ESR1: variants seen among roughly 807,000 people sequenced by gnomAD.
ESR1 encodes the protein estrogen receptor.
In ESR1, 12 loss-of-function variants were observed where a neutral mutation model predicts 52.7. The ratio of observed to expected loss-of-function variants is 0.23; its 90% CI spans 0.15 to 0.37. ESR1 has a LOEUF of 0.37. Ranked by LOEUF, ESR1 falls within the 10% of genes least tolerant of loss-of-function variation. ESR1 has a pLI of 1.00. For missense variants in ESR1, 584 were observed against 779.7 expected (o/e 0.75, Z 2.99); for synonymous variants, 305 against 316.8 (o/e 0.96, Z 0.39).
chr6:151,931,057 T>G (rs1340841603), intron 3 of ESR1, among the ~76,000 whole-genome samples: 1 of 152,204 alleles, frequency 6.6e-6, no homozygotes, highest in East Asian at 1.9e-4. Flanking sequence ...TTCTTGATAC[T>G]CCCTGAGCTT....
At chr6:151,688,261 A>G (rs1434229631), upstream of ESR1, among the ~76,000 whole-genome samples, 2 of 152,206 alleles carry the variant, frequency 1.3e-5, no homozygotes, top group African/African-American at 4.8e-5. Context: ...AAACCTGTCA[A>G]CAGTTTCCTC....
chr6:151,760,633 C>T (rs562798774), intron 2 of ESR1, among the ~76,000 whole-genome samples: 2 of 152,312 alleles, frequency 1.3e-5, no homozygotes, highest in Non-Finnish European at 2.9e-5. Flanking sequence ...CCAGCCTGCT[C>T]CCTTAATGCT....
At chr6:151,979,584 G>A (rs1469488766) in intron 4 of ESR1, among the ~76,000 whole-genome samples, 1 of 152,038 alleles carries the variant, frequency 6.6e-6, no homozygotes, top group Non-Finnish European at 1.5e-5. Flanking sequence ...TTACTTTTGA[G>A]AATGTACAGT....
intron 1 of ESR1, chr6:151,813,279 T>C (rs1347510403): frequency 6.6e-6 from 1 of 152,198 alleles, no homozygotes; most frequent in Non-Finnish European, 1.5e-5. Flanking sequence ...CAATTTTATG[T>C]AGTTTAATAA....
At chr6:151,669,014 G>A (rs1384411869) in intron 1 of ESR1, among the ~76,000 whole-genome samples, 1 of 151,950 alleles carries the variant, frequency 6.6e-6, no homozygotes, top group East Asian at 1.9e-4. Context: ...AAGGCAGGTT[G>A]TGACCAGGCT....
At chr6:151,717,072 A>T (rs951538962) in intron 2 of ESR1, among the ~76,000 whole-genome samples, 1 of 152,162 alleles carries the variant, frequency 6.6e-6, no homozygotes, top group East Asian at 1.9e-4. Context: ...ACCGTTCCTT[A>T]GGGCACAGTC....
intron 2 of ESR1, among the ~76,000 whole-genome samples, chr6:151,720,279 A>G (rs868246301): frequency 2.6e-5 from 4 of 152,320 alleles, no homozygotes; most frequent in Middle Eastern, 3.4e-3. Context: ...TCCTAAGGTG[A>G]GAAAATTGAG....
chr6:151,713,618 A>AT (rs1225938620), intron 2 of ESR1, among the ~76,000 whole-genome samples: 3 of 151,870 alleles, frequency 2.0e-5, no homozygotes, highest in African/African-American at 4.8e-5. Flanking sequence ...TTTCTAGTTT[A>AT]TTTGCGCAGA....
chr6:151,817,862 T>A (rs150658438), intron 1 of ESR1, among the ~76,000 whole-genome samples: 291 of 152,338 alleles, frequency 1.9e-3, no homozygotes, highest in African/African-American at 6.8e-3. Flanking sequence ...CAATTCAGGC[T>A]GTTAGTGGTA....
rs2047522381 is a variant in ESR1, at chr6:152,061,295, C to A, written c.1369+171C>A. Among the ~76,000 whole-genome samples, 1 of 152,104 alleles carries A rather than the reference C, an allele frequency of 6.6e-6. No individual in the cohort carries two copies. The highest frequency in any genetic ancestry group is 2.1e-4 in the South Asian group (1 of 4,820). On this transcript the variant is annotated intron_variant, in intron 6 of 7. Transcript: ENST00000206249. The surrounding 1 kb of genome is among the most constrained non-coding windows in gnomAD (Gnocchi z 4.3). ...TGCAGATTCCTTATAAAGGTAGAAC[C>A]ATGCTAGCCAAATAGACACATGAAA...
rs2050422082 is a variant in ESR1 at position 152,094,102 on chromosome 6, G to T, written c.1370-283G>T. 6.6e-6 allele frequency among the ~76,000 whole-genome samples: 1 copy of T among 152,202 alleles called. No homozygotes were observed. Among genetic ancestry groups the T allele is most frequent in the African/African-American group, 2.4e-5 (1 of 41,444 alleles). ...ATGGTGTCAGACCTGTCTGAGAAAA[G>T]GTGGCCCATGTTACCATGACAGGCC... On this transcript the variant is annotated intron_variant, in intron 6 of 7. Transcript: ENST00000206249. The surrounding 1 kb of genome is among the most constrained non-coding windows in gnomAD (Gnocchi z 4.6).
In ESR1 at chr6:151,904,174, C is replaced by A. The variant is rs75107192; in HGVS notation, c.760+23403C>A. On this transcript the variant is annotated intron_variant, in intron 3 of 7. Transcript: ENST00000206249. ...CTTTTGTTTGTGCATAGTGCATAGA[C>A]CTGTAGAAAATTTATTAGTAATCTG... 5.0e-3 allele frequency among the ~76,000 whole-genome samples: 755 copies of A among 152,218 alleles called. 7 individuals carry two copies. Among genetic ancestry groups the A allele is most frequent in the African/African-American group, 0.018 (728 of 41,538 alleles).
intron 2 of ESR1, among the ~76,000 whole-genome samples, chr6:151,857,441 G>GTA (rs542348547): frequency 1.0e-3 from 157 of 151,230 alleles, no homozygotes; most frequent in African/African-American, 3.7e-3. Flanking sequence ...AGGGGCCACT[G>GTA]TATATATATA....
downstream of ESR1, among the ~76,000 whole-genome samples, chr6:152,104,754 C>T (rs141308284): frequency 2.0e-4 from 30 of 152,210 alleles, no homozygotes; most frequent in Admixed American, 1.4e-3. Flanking sequence ...TTGGAATTTC[C>T]TGGGCAATAG....
rs374719529 is a variant in ESR1 at position 152,061,734 on chromosome 6, TTTTTTGTTTTTG to T, written c.1369+627_1369+638del. ...AAAGCTTAGCTAAGAGCAACATCTG[TTTTTTGTTTTTG>T]TTTTTGTTTTTGTTTTGTTTTTGTT... is the stretch of plus-strand genomic sequence containing the variant. On this transcript the variant is annotated intron_variant, in intron 6 of 7. Coordinates refer to ENST00000206249, the MANE Select transcript of ESR1 (RefSeq NM_000125.4). The surrounding 1 kb of genome is among the most constrained non-coding windows in gnomAD (Gnocchi z 4.3). Among the ~76,000 whole-genome samples, 11 of 152,238 alleles carry T rather than the reference TTTTTTGTTTTTG, an allele frequency of 7.2e-5. No individual in the cohort carries two copies. The East Asian group carries it at 1.5e-3, about 21-fold the overall frequency.
At chr6:151,944,565 A>T in intron 4 of ESR1, 57 bp downstream of exon 4, 21 of 1,480,848 alleles carry the variant, frequency 1.4e-5, no homozygotes, top group Non-Finnish European at 1.9e-5. Flanking sequence ...ACTTGTTGTG[A>T]TGTCATGGGA....
At chr6:151,729,352 A>G (rs967448211) in intron 2 of ESR1, among the ~76,000 whole-genome samples, 3 of 152,178 alleles carry the variant, frequency 2.0e-5, no homozygotes, top group African/African-American at 7.2e-5. Flanking sequence ...TGTTGTTTAT[A>G]AGCCACCTAG....
At chr6:151,881,882 C>CAATA (rs66997460) in intron 3 of ESR1, among the ~76,000 whole-genome samples, 3,027 of 134,814 alleles carry the variant, frequency 0.022, 56 homozygotes, top group East Asian at 0.047. Context: ...GACTCTGTCT[C>CAATA]AATAAATAAA....
chr6:151,941,759 G>C (rs1175717984), intron 3 of ESR1, among the ~76,000 whole-genome samples: 2 of 152,074 alleles, frequency 1.3e-5, no homozygotes, highest in Non-Finnish European at 2.9e-5. Flanking sequence ...TTCTATCTTT[G>C]TCGTCAGCTC....
Sources: gnomAD v4.1 joint callset for allele counts (sites outside exome capture counted in the v4.1 genomes callset) on GRCh38, gnomAD v4.1.1 for gene constraint, Gnocchi (gnomAD v3.1) non-coding constraint, MANE v1.5 for transcripts, NCBI Gene and HGNC (gene_info 2026-07-23, HGNC 2026-07-21) for gene names.